PALS1: variants seen among roughly 807,000 people sequenced by gnomAD.
PALS1 encodes protein PALS1.
A neutral mutation model predicts 78.9 loss-of-function variants in PALS1; 31 were observed. The ratio of observed to expected loss-of-function variants is 0.39; its 90% confidence interval spans 0.30 to 0.53. The LOEUF is 0.53. Among genes scored for constraint, PALS1 ranks in the 20% least tolerant of loss-of-function variants. The pLI, the probability that PALS1 is intolerant of heterozygous loss-of-function variation, is 0.67. For synonymous variants in PALS1, 276 were observed against 270.9 expected, an observed-to-expected ratio of 1.02 and a Z score of -0.18; for missense variants, 704 against 826.5, an observed-to-expected ratio of 0.85 and a Z score of 1.82.
In PALS1 at chr14:67,324,568, TTTG is replaced by T. The variant is rs139403910; in HGVS notation, c.1851+771_1851+773del. 5.3e-5 allele frequency among the ~76,000 whole-genome samples: 8 copies of T among 152,168 alleles called. 1 individual carries two copies. The highest frequency in any genetic ancestry group is 2.6e-4 in the Admixed American group (4 of 15,284). On this transcript the variant is annotated intron_variant, in intron 14 of 14. Coordinates refer to ENST00000261681, the MANE Select transcript of PALS1 (RefSeq NM_022474.4). The stretch of plus-strand genomic sequence containing the variant: ...ACACTCCTTTCTTTTGATTGTTTTT[TTTG>T]TTGTTGTTGTTGTTTTGGTCGTTGC...
In PALS1 at chr14:67,333,456, A is replaced by G. The variant is rs1352166240; in HGVS notation, c.*500A>G. On this transcript the variant is annotated 3_prime_UTR_variant, in exon 15 of 15. Transcript: ENST00000261681. Reference sequence around the variant, plus strand: ...GGAAACTAATTTAGTCATCAGAGATACTTTCCTAAAAAGGAAAAATAAAAA... The same window carrying G: ...GGAAACTAATTTAGTCATCAGAGATGCTTTCCTAAAAAGGAAAAATAAAAA... 1 of 152,676 alleles carries G rather than the reference A, an allele frequency of 6.5e-6. No individual in the cohort carries two copies. Among genetic ancestry groups the G allele is most frequent in the South Asian group, 2.1e-4 (1 of 4,834 alleles). The allele number at this position is 152,676 out of a possible 1,614,324, so 9.5% of individuals were successfully genotyped here. A position where few individuals can be genotyped will look rare whatever the true frequency, so the allele number is the denominator to read the frequency against.
At chr14:67,313,903 A>T (rs1247460887) in intron 9 of PALS1, among the ~76,000 whole-genome samples, 1 of 152,066 alleles carries the variant, frequency 6.6e-6, no homozygotes, top group Non-Finnish European at 1.5e-5. Context: ...TATTTGTTTT[A>T]AATCCAGATA....
rs374681979 is a variant in PALS1, at chr14:67,290,990, C to T, written c.368-1521C>T. Among the ~76,000 whole-genome samples the T allele has an allele frequency of 4.6e-5, 7 of 152,156 alleles. No individual in the cohort carries two copies. The South Asian group carries it at 1.2e-3, about 27-fold the overall frequency. On this transcript the variant is annotated intron_variant, in intron 3 of 14. Transcript: ENST00000261681. ...GAAATTATAAAAAGCTAGAAGAAAT[C>T]TAGGTAAATATTTTTTAATGACCTA...
rs889217105 is a variant in PALS1, at chr14:67,334,168, GA to G, written c.*1215del. The G allele has an allele frequency of 6.6e-6, 1 of 152,572 alleles. No individual in the cohort carries two copies. Among genetic ancestry groups the G allele is most frequent in the African/African-American group, 2.4e-5 (1 of 41,444 alleles). The allele number at this position is 152,572 out of a possible 1,614,324, so 9.5% of individuals were successfully genotyped here. On this transcript the variant is annotated 3_prime_UTR_variant, in exon 15 of 15. Coordinates refer to ENST00000261681, the MANE Select transcript of PALS1 (RefSeq NM_022474.4). ...GAGAGAAAAAGGTATTAAATATATA[GA>G]AATAGGTTTTTAACCTAACAAGGTC...
chr14:67,331,935 G>A (rs906735067), intron 14 of PALS1, among the ~76,000 whole-genome samples: 1 of 152,148 alleles, frequency 6.6e-6, no homozygotes, highest in African/African-American at 2.4e-5. Flanking sequence ...ATTCCAGAAT[G>A]AGAGTCATGC....
intron 1 of PALS1, among the ~76,000 whole-genome samples, chr14:67,258,211 A>G (rs958527983): frequency 2.6e-5 from 4 of 152,204 alleles, no homozygotes; most frequent in African/African-American, 9.6e-5. Flanking sequence ...TTTGCAGTCT[A>G]GTTGAGAAGA....
chr14:67,325,065 T>C (rs1228268716), intron 14 of PALS1, among the ~76,000 whole-genome samples: 6 of 151,918 alleles, frequency 3.9e-5, no homozygotes, highest in East Asian at 3.9e-4. Context: ...CCATCATGCC[T>C]GGCTAATTTT....
rs2085506505 is a variant in PALS1, at chr14:67,334,875, T to C, written c.*1919T>C. On this transcript the variant is annotated 3_prime_UTR_variant, in exon 15 of 15. Coordinates refer to ENST00000261681, the MANE Select transcript of PALS1 (RefSeq NM_022474.4). The stretch of plus-strand genomic sequence containing the variant: ...ATGAAGTGTAGTCTATGGTTGACAA[T>C]GGAGTTTTGTGATCCTGCTTATTGT... The C allele has an allele frequency of 6.6e-6, 1 of 152,206 alleles. No individual in the cohort carries two copies. Among genetic ancestry groups the C allele is most frequent in the African/African-American group, 2.4e-5 (1 of 41,456 alleles). 9.4% of individuals were successfully genotyped at this position (152,206 alleles called of 1,614,324 possible). A position where few individuals can be genotyped will look rare whatever the true frequency, so the allele number is the denominator to read the frequency against.
chr14:67,253,761 A>G (rs28401319), intron 1 of PALS1, among the ~76,000 whole-genome samples: 23,291 of 151,656 alleles, frequency 0.15, 3,387 homozygotes, highest in East Asian at 0.42. Flanking sequence ...GGATTACCTA[A>G]GCCCAGAAAG....
chr14:67,311,785 T>C (rs2085093615), intron 8 of PALS1, among the ~76,000 whole-genome samples: 1 of 152,196 alleles, frequency 6.6e-6, no homozygotes, highest in African/African-American at 2.4e-5. Context: ...AATTATAACT[T>C]GTACCGTTAA....
Position 67,321,137 on chromosome 14 carries a change from A to G in PALS1, c.1618A>G (p.Ile540Val), listed in dbSNP as rs756113018. Residue 540 changes from isoleucine (I) to valine (V), a missense_variant, in exon 13 of 15, where the codon ATA (isoleucine) becomes GTA (valine). Transcript: ENST00000261681. The stretch of plus-strand genomic sequence containing the variant: ...TTCGCGGCAAGCATTCGAGGCAGAC[A>G]TAGCAGCTGGAAAGTTCATTGAGCA... ...FVSRQAFEAD[I>V]AAGKFIEHGE... The G allele has an allele frequency of 3.7e-6, 6 of 1,614,116 alleles. No homozygotes were observed. The African/African-American group carries it at 4.0e-5, about 11-fold the overall frequency.
intron 4 of PALS1, among the ~76,000 whole-genome samples, chr14:67,295,406 C>T (rs1325532310): frequency 6.6e-6 from 1 of 151,276 alleles, no homozygotes; most frequent in Admixed American, 6.6e-5. Context: ...AGGAGAATCA[C>T]TTAAACCCGG....
At chr14:67,301,162 CTATA>C (rs1345148706) in intron 4 of PALS1, among the ~76,000 whole-genome samples, 2 of 151,794 alleles carry the variant, frequency 1.3e-5, no homozygotes, top group African/African-American at 4.8e-5. Flanking sequence ...AGTATTTTGT[CTATA>C]GGCGTAAGTA....
chr14:67,315,373 C>T (rs2140964843), intron 9 of PALS1, among the ~76,000 whole-genome samples: 1 of 148,530 alleles, frequency 6.7e-6, no homozygotes. Context: ...GCCTCCCGGG[C>T]TCATGCCCTT....
At chr14:67,328,730 A>T (rs1301326745) in intron 14 of PALS1, among the ~76,000 whole-genome samples, 1 of 152,220 alleles carries the variant, frequency 6.6e-6, no homozygotes, top group Non-Finnish European at 1.5e-5. Flanking sequence ...TTTATTAAAT[A>T]GGGCATCCTT....
chr14:67,300,414 A>G (rs190464643), intron 4 of PALS1, among the ~76,000 whole-genome samples: 4 of 148,820 alleles, frequency 2.7e-5, no homozygotes, highest in Admixed American at 6.8e-5. Flanking sequence ...TGCAACCTCT[A>G]CCTCCTGGGT....
At chr14:67,280,826 T>TCCTTCCTTCCTTC (rs1555520216) in intron 3 of PALS1, among the ~76,000 whole-genome samples, 6 of 129,692 alleles carry the variant, frequency 4.6e-5, no homozygotes, top group African/African-American at 2.0e-4. Flanking sequence ...CTTCCTTCCT[T>TCCTTCCTTCCTTC]CCTTCCTTCC....
chr14:67,324,245 A>C (rs2085312854), intron 14 of PALS1, among the ~76,000 whole-genome samples: 1 of 152,116 alleles, frequency 6.6e-6, no homozygotes, highest in Non-Finnish European at 1.5e-5. Flanking sequence ...GGAACAGAAA[A>C]ATTTTTTTAA....
At position 67,269,694 on chromosome 14, in the gene PALS1, T is replaced by C. The variant is rs1442845014; in HGVS notation, c.-236-7T>C. On this transcript the variant is annotated splice_polypyrimidine_tract_variant and splice_region_variant and intron_variant, in intron 1 of 14. Transcript: ENST00000261681. ...TTGATCAATTGTCTCATTTTTCTTTTTTATAGAATAAGAAAGCCTTGAGTT... is the reference window on the plus strand; with the variant it reads ...TTGATCAATTGTCTCATTTTTCTTTCTTATAGAATAAGAAAGCCTTGAGTT... The C allele has an allele frequency of 1.3e-5, 2 of 152,608 alleles. No individual in the cohort carries two copies. Among genetic ancestry groups the C allele is most frequent in the Non-Finnish European group, 2.9e-5 (2 of 68,036 alleles). The allele number at this position is 152,608 out of a possible 1,614,324, so 9.5% of individuals were successfully genotyped here.
Sources: allele counts gnomAD v4.1 joint callset (sites outside exome capture counted in the v4.1 genomes callset), GRCh38; gene constraint gnomAD v4.1.1; transcripts MANE v1.5; gene names NCBI Gene and HGNC (gene_info 2026-07-23, HGNC 2026-07-21).